SNX30: variants seen among roughly 807,000 people sequenced by gnomAD.
The protein encoded by SNX30 is sorting nexin-30.
In SNX30, 24 loss-of-function variants were observed where a neutral mutation model predicts 46.4. The observed-to-expected ratio is 0.52, with a 90% CI of 0.37 to 0.73. The LOEUF (loss-of-function observed/expected upper bound fraction) is 0.73. Ranked by LOEUF, SNX30 falls within the 30% of genes least tolerant of loss-of-function variation. SNX30 has a pLI of 0.00. For missense variants in SNX30, 533 were observed against 555.7 expected (o/e 0.96, Z 0.41); for synonymous variants, 189 against 211.5 (o/e 0.89, Z 0.92).
chr9:112,870,106 A>T lies in SNX30; in HGVS notation c.*1263A>T, dbSNP rs981745043. 1 of 152,150 alleles carries T rather than the reference A, an allele frequency of 6.6e-6. No individual in the cohort carries two copies. Among genetic ancestry groups the T allele is most frequent in the Non-Finnish European group, 1.5e-5 (1 of 68,028 alleles). 9.4% of individuals were successfully genotyped at this position (152,150 alleles called of 1,614,324 possible). A position where few individuals can be genotyped will look rare whatever the true frequency, so the allele number is the denominator to read the frequency against. On this transcript the variant is annotated 3_prime_UTR_variant, in exon 9 of 9. Transcript: ENST00000374232. ...AGTGTGGTTACAGGCTGCATTTCAGACAATGACCAGGTTTACTTTTCAGAT... is the reference window on the plus strand; with the variant it reads ...AGTGTGGTTACAGGCTGCATTTCAGTCAATGACCAGGTTTACTTTTCAGAT...
chr9:112,762,930 C>T (rs1031389675), intron 1 of SNX30, among the ~76,000 whole-genome samples: 2 of 152,222 alleles, frequency 1.3e-5, no homozygotes. Context: ...CTTCAAACAG[C>T]AGCTCTCTTT....
intron 2 of SNX30, among the ~76,000 whole-genome samples, chr9:112,816,684 G>A (rs952805179): frequency 2.6e-5 from 4 of 152,138 alleles, no homozygotes; most frequent in Admixed American, 6.5e-5. Flanking sequence ...AATGACTCTC[G>A]TTCATGTGCT....
chr9:112,804,211 T>C (rs1840185261), intron 1 of SNX30, among the ~76,000 whole-genome samples: 1 of 152,042 alleles, frequency 6.6e-6, no homozygotes, highest in Non-Finnish European at 1.5e-5. Context: ...GTTGCCCAGG[T>C]TGGAGTGCAA....
intron 6 of SNX30, among the ~76,000 whole-genome samples, chr9:112,844,443 G>A (rs1237891018): frequency 6.6e-6 from 1 of 152,158 alleles, no homozygotes; most frequent in Non-Finnish European, 1.5e-5. Flanking sequence ...TTAAATCTCT[G>A]AGACCGATGG....
chr9:112,837,879 G>GTTATT lies in SNX30; in HGVS notation c.815-617_815-616insATTTT, dbSNP rs368712028. Among the ~76,000 whole-genome samples the GTTATT allele has an allele frequency of 8.5e-5, 12 of 140,358 alleles. 1 individual carries two copies. Among genetic ancestry groups the GTTATT allele is most frequent in the Non-Finnish European group, 1.1e-4 (7 of 66,236 alleles). 92.1% of individuals were successfully genotyped at this position (140,358 alleles called of 152,430 possible). The stretch of plus-strand genomic sequence containing the variant: ...GCTTCACACTATGGGTAGGCGAGTG[G>GTTATT]TTCTTTTCTTTTTTTTTTTTTTTTT... On this transcript the variant is annotated intron_variant, in intron 5 of 8. Transcript: ENST00000374232.
rs1268807456 is a variant in SNX30, at chr9:112,850,805, G to A, written c.1015-54G>A. The A allele has an allele frequency of 2.8e-5, 38 of 1,362,924 alleles. No homozygotes were observed. The South Asian group carries it at 4.6e-4, about 16-fold the overall frequency. The allele number at this position is 1,362,924 out of a possible 1,614,324, so 84.4% of individuals were successfully genotyped here. A position where few individuals can be genotyped will look rare whatever the true frequency, so the allele number is the denominator to read the frequency against. On this transcript the variant is annotated intron_variant, in intron 6 of 8. Coordinates refer to ENST00000374232, the MANE Select transcript of SNX30 (RefSeq NM_001012994.2). The stretch of plus-strand genomic sequence containing the variant: ...GAAAAGAAGCAATTGCCTGGGGGTG[G>A]GAGGCCCCTTTGTGGACTCAGTGTT...
chr9:112,783,025 A>G (rs954697675), intron 1 of SNX30, among the ~76,000 whole-genome samples: 20 of 152,208 alleles, frequency 1.3e-4, no homozygotes, highest in Non-Finnish European at 2.5e-4. Flanking sequence ...TGAGAAGAGA[A>G]GTGGCTTGAT....
intron 1 of SNX30, among the ~76,000 whole-genome samples, chr9:112,788,116 G>C (rs1839961098): frequency 6.6e-6 from 1 of 152,160 alleles, no homozygotes; most frequent in Non-Finnish European, 1.5e-5. Context: ...AGTGTGGGCT[G>C]TAAGAGTGGA....
At chr9:112,810,729 G>T (rs1435784107) in intron 2 of SNX30, among the ~76,000 whole-genome samples, 1 of 152,132 alleles carries the variant, frequency 6.6e-6, no homozygotes, top group Non-Finnish European at 1.5e-5. Flanking sequence ...TTGTGGAAGG[G>T]CTTGGAAAGG....
intron 4 of SNX30, among the ~76,000 whole-genome samples, chr9:112,832,430 A>AAGAG (rs144673731): frequency 0.07 from 5,540 of 78,880 alleles, 290 homozygotes; most frequent in Admixed American, 0.079. Context: ...ATAAGTAGGA[A>AAGAG]AGAGAGAGAG....
At chr9:112,835,773 C>T (rs927200413) in intron 4 of SNX30, among the ~76,000 whole-genome samples, 1 of 152,326 alleles carries the variant, frequency 6.6e-6, no homozygotes, top group Non-Finnish European at 1.5e-5. Flanking sequence ...CTGTTTCCTG[C>T]TTTCCACCCT....
intron 1 of SNX30, among the ~76,000 whole-genome samples, chr9:112,787,890 G>A (rs1035786007): frequency 4.0e-5 from 6 of 151,386 alleles, no homozygotes; most frequent in African/African-American, 1.2e-4. Context: ...TCTGCCTCCC[G>A]GGTTCAAGCA....
intron 7 of SNX30, among the ~76,000 whole-genome samples, chr9:112,860,807 T>C (rs10981533): frequency 0.076 from 11,563 of 152,246 alleles, 465 homozygotes; most frequent in East Asian, 0.093. Flanking sequence ...GAATAAAGCT[T>C]GAGGAGCTGT....
intron 4 of SNX30, among the ~76,000 whole-genome samples, chr9:112,832,109 A>G (rs1392713372): frequency 6.6e-6 from 1 of 151,900 alleles, no homozygotes; most frequent in Non-Finnish European, 1.5e-5. Context: ...AGTTTTTATA[A>G]CCTCAGTTGG....
chr9:112,772,779 C>G (rs977987794), intron 1 of SNX30, among the ~76,000 whole-genome samples: 1 of 152,158 alleles, frequency 6.6e-6, no homozygotes, highest in African/African-American at 2.4e-5. Context: ...ACTACATAAA[C>G]GAATATGTCT....
intron 1 of SNX30, among the ~76,000 whole-genome samples, chr9:112,760,512 G>A (rs1315064801): frequency 2.0e-5 from 3 of 152,120 alleles, no homozygotes; most frequent in Non-Finnish European, 4.4e-5. Context: ...AGAATGTCTT[G>A]CCTTTCTACT....
chr9:112,844,436 A>C (rs1258789778), intron 6 of SNX30, among the ~76,000 whole-genome samples: 4 of 152,116 alleles, frequency 2.6e-5, no homozygotes, highest in Non-Finnish European at 5.9e-5. Context: ...ATGGTGTTTA[A>C]ATCTCTGAGA....
intron 2 of SNX30, among the ~76,000 whole-genome samples, chr9:112,807,052 C>CTTT (rs10554051): frequency 3.2e-5 from 2 of 63,030 alleles, no homozygotes; most frequent in Non-Finnish European, 2.6e-5. Flanking sequence ...TCTTTTCTAT[C>CTTT]TTTTTTTTTT....
At chr9:112,835,048 A>T (rs1355607153) in intron 4 of SNX30, among the ~76,000 whole-genome samples, 2 of 152,204 alleles carry the variant, frequency 1.3e-5, no homozygotes, top group African/African-American at 4.8e-5. Flanking sequence ...TTAGCCGCAC[A>T]TTCCACATTC....
Sources: allele counts gnomAD v4.1 joint callset (sites outside exome capture counted in the v4.1 genomes callset), GRCh38; gene constraint gnomAD v4.1.1; transcripts MANE v1.5; gene names NCBI Gene and HGNC (gene_info 2026-07-23, HGNC 2026-07-21).